Variants in B4GALNT2 observed in about 807,000 individuals in gnomAD.
B4GALNT2 encodes beta-1,4-N-acetyl-galactosaminyltransferase 2 (SID blood group).
B4GALNT2 carries 42 observed loss-of-function variants against 51.1 expected under a neutral mutation model. The observed-to-expected ratio is 0.82, with a 90% CI of 0.64 to 1.06. The LOEUF (loss-of-function observed/expected upper bound fraction) is 1.06, where lower values mean the gene tolerates loss of function less well. Among genes scored for constraint, B4GALNT2 ranks in the 50% least tolerant of loss-of-function variants. B4GALNT2 has a pLI of 0.00. For missense variants in B4GALNT2, 602 were observed against 633.6 expected (o/e 0.95, Z 0.54); for synonymous variants, 253 against 251.7 (o/e 1.01, Z -0.05).
At chr17:49,155,339 A>G (rs1183990361) in intron 4 of B4GALNT2, among the ~76,000 whole-genome samples, 6 of 142,626 alleles carry the variant, frequency 4.2e-5, no homozygotes, top group Non-Finnish European at 7.5e-5. Context: ...GCAGTGGCTC[A>G]CACCTGTAAT....
At chr17:49,149,482 C>CA (rs1175539190) in intron 3 of B4GALNT2, among the ~76,000 whole-genome samples, 1 of 151,682 alleles carries the variant, frequency 6.6e-6, no homozygotes, top group Non-Finnish European at 1.5e-5. Flanking sequence ...CCCATCTCTA[C>CA]AAAAAAATAC....
chr17:49,161,505 A>G (rs1002575920), intron 7 of B4GALNT2, among the ~76,000 whole-genome samples: 1 of 152,002 alleles, frequency 6.6e-6, no homozygotes, highest in Non-Finnish European at 1.5e-5. Flanking sequence ...TCAAAGCTGC[A>G]GTGAGCCAGG....
chr17:49,127,052 A>G, the B4GALNT2 span, among the ~76,000 whole-genome samples: 12 of 152,324 alleles, frequency 7.9e-5, no homozygotes, highest in South Asian at 2.5e-3. Context: ...ATTTTTTATG[A>G]CTTACACAGA....
intron 1 of B4GALNT2, among the ~76,000 whole-genome samples, chr17:49,140,545 CCTT>C (rs1430530436): frequency 3.3e-5 from 5 of 151,734 alleles, no homozygotes; most frequent in Non-Finnish European, 5.9e-5. Context: ...TATTTCTAAT[CCTT>C]CTTTCATATC....
intron 7 of B4GALNT2, among the ~76,000 whole-genome samples, chr17:49,161,128 A>C (rs749347767): frequency 2.0e-5 from 3 of 152,126 alleles, no homozygotes; most frequent in Non-Finnish European, 4.4e-5. Context: ...TACACAAATT[A>C]GCTGGGCGTG....
the B4GALNT2 span, among the ~76,000 whole-genome samples, chr17:49,127,193 T>C: frequency 6.6e-6 from 1 of 152,188 alleles, no homozygotes; most frequent in African/African-American, 2.4e-5. Flanking sequence ...TTTCTTTAAT[T>C]TCAAGATTAG....
intron 9 of B4GALNT2, 46 bp downstream of exon 9, chr17:49,166,300 G>A (rs1400301399): frequency 7.5e-7 from 1 of 1,324,838 alleles, no homozygotes; most frequent in Admixed American, 2.1e-5. Flanking sequence ...CTGTAGAGAT[G>A]GAGAAGAGGG....
At chr17:49,167,486 G>T (rs2042920948) in intron 9 of B4GALNT2, among the ~76,000 whole-genome samples, 1 of 151,952 alleles carries the variant, frequency 6.6e-6, no homozygotes, top group African/African-American at 2.4e-5. Flanking sequence ...GATTGAGGGG[G>T]CCCAAGTGCA....
intron 3 of B4GALNT2, among the ~76,000 whole-genome samples, chr17:49,151,860 G>T (rs1423717972): frequency 6.6e-6 from 1 of 152,036 alleles, no homozygotes; most frequent in African/African-American, 2.4e-5. Flanking sequence ...TTGTGATTTA[G>T]TTTATTTATT....
At chr17:49,163,345 C>T (rs1480808639) in intron 7 of B4GALNT2, among the ~76,000 whole-genome samples, 1 of 152,116 alleles carries the variant, frequency 6.6e-6, no homozygotes, top group African/African-American at 2.4e-5. Context: ...CTAGGAGTTG[C>T]AGATGATGGT....
Position 49,165,995 on chromosome 17 carries a change from A to G in B4GALNT2, c.955-119A>G, listed in dbSNP as rs557221902. 8 of 1,210,088 alleles carry G rather than the reference A, an allele frequency of 6.6e-6. No homozygotes were observed. The Admixed American group carries it at 9.6e-5, about 14-fold the overall frequency. 75.0% of individuals were successfully genotyped at this position (1,210,088 alleles called of 1,614,324 possible). A position where few individuals can be genotyped will look rare whatever the true frequency, so the allele number is the denominator to read the frequency against. ...CTGCACACTGGATTCGCTCGCACCA[A>G]TTCTAATGGAATTTGTCTGGAGTGC... On this transcript the variant is annotated intron_variant, in intron 8 of 10. Coordinates refer to ENST00000393354, the MANE Select transcript of B4GALNT2 (RefSeq NM_001159387.2).
At chr17:49,158,134 G>C (rs1482468131) in intron 5 of B4GALNT2, among the ~76,000 whole-genome samples, 1 of 152,158 alleles carries the variant, frequency 6.6e-6, no homozygotes, top group Non-Finnish European at 1.5e-5. Flanking sequence ...GAGCAAGGAG[G>C]ACTTCCCTTG....
At chr17:49,129,215 AG>A (rs2042525540), upstream of B4GALNT2, among the ~76,000 whole-genome samples, 1 of 151,140 alleles carries the variant, frequency 6.6e-6, no homozygotes, top group African/African-American at 2.4e-5. Flanking sequence ...AGAGATAGAG[AG>A]GAGGATGAGG....
chr17:49,141,941 AGG>A, intron 2 of B4GALNT2, 92 bp from the exon 3 acceptor site: 2 of 1,494,082 alleles, frequency 1.3e-6, no homozygotes, highest in Admixed American at 1.7e-5. Flanking sequence ...GAAGATTTTC[AGG>A]GTAAACTACA....
At chr17:49,131,920 C>T (rs1178890646), upstream of B4GALNT2, among the ~76,000 whole-genome samples, 1 of 152,088 alleles carries the variant, frequency 6.6e-6, no homozygotes, top group African/African-American at 2.4e-5. Context: ...ATTGCTTGAG[C>T]TTAGGAGTTC....
Position 49,164,194 on chromosome 17 carries a change from C to T in B4GALNT2, c.873C>T (p.Thr291=), listed in dbSNP as rs570206637. ...TTCGAGAGTATTACCCAGACTTGAC[C>T]GTAATAGTGGCTGATGACAGCCAGA... ...RSIREYYPDL[T]VIVADDSQKP... is the part of the protein sequence containing the mutation. The change falls in exon 8 of 11, where the codon ACC becomes ACT. Residue 291 remains threonine, a synonymous_variant. Coordinates refer to ENST00000393354, the MANE Select transcript of B4GALNT2 (RefSeq NM_001159387.2). The T allele has an allele frequency of 7.4e-6, 12 of 1,613,556 alleles. No individual in the cohort carries two copies. Among genetic ancestry groups the T allele is most frequent in the Admixed American group, 3.3e-5 (2 of 60,004 alleles).
At chr17:49,160,074 A>T (rs1381640344) in intron 6 of B4GALNT2, among the ~76,000 whole-genome samples, 5 of 152,142 alleles carry the variant, frequency 3.3e-5, no homozygotes, top group African/African-American at 4.8e-5. Context: ...GATACACAGG[A>T]TGCATTCCCA....
intron 3 of B4GALNT2, 98 bp from the exon 4 acceptor site, chr17:49,152,702 A>G (rs967738818): frequency 8.2e-5 from 67 of 813,478 alleles, no homozygotes; most frequent in Non-Finnish European, 1.2e-4. Flanking sequence ...ATTTCTCCAT[A>G]TTGTCAGGGC....
chr17:49,128,408 G>A (rs143088122), upstream of B4GALNT2, among the ~76,000 whole-genome samples: 277 of 152,290 alleles, frequency 1.8e-3, 1 homozygote, highest in Non-Finnish European at 3.4e-3. Flanking sequence ...CAGATGCAGA[G>A]GGATGAGAAT....
Sources: allele counts gnomAD v4.1 joint callset (sites outside exome capture counted in the v4.1 genomes callset), GRCh38; gene constraint gnomAD v4.1.1; transcripts MANE v1.5; gene names NCBI Gene and HGNC (gene_info 2026-07-23, HGNC 2026-07-21).